Variants in PRH1 observed in about 807,000 individuals in gnomAD.
The protein encoded by PRH1 is proline rich protein HaeIII subfamily 1.
In PRH1, 7 loss-of-function variants were observed where a neutral mutation model predicts 7.9. The ratio of observed to expected loss-of-function variants is 0.89; its 90% CI spans 0.50 to 1.67. The LOEUF is 1.67. PRH1 is among the 40% of genes most tolerant of loss of function. The pLI, the probability that PRH1 is intolerant of heterozygous loss-of-function variation, is 0.00. For synonymous variants in PRH1, 45 were observed against 80.8 expected (o/e 0.56, Z 2.38); for missense variants, 109 against 223.6 (o/e 0.49, Z 3.27).
chr12:11,109,318 C>T (rs1194355156), intron 1 of PRH1, among the ~76,000 whole-genome samples: 2 of 152,208 alleles, frequency 1.3e-5, no homozygotes, highest in Non-Finnish European at 2.9e-5. Context: ...TTGAGCTCTG[C>T]TAAAGGACAG....
intron 1 of PRH1, among the ~76,000 whole-genome samples, chr12:11,053,354 C>A (rs952809831): frequency 7.2e-5 from 11 of 152,212 alleles, no homozygotes; most frequent in Non-Finnish European, 1.6e-4. Flanking sequence ...CTAAAATCCT[C>A]TCTTTAGAAA....
At chr12:10,937,416 T>G (rs1438835056) in intron 2 of PRH1, 2 of 152,056 alleles carry the variant, frequency 1.3e-5, no homozygotes, top group African/African-American at 4.8e-5. Flanking sequence ...TTGATAGTTT[T>G]TAACAGAGAT....
At position 10,916,293 on chromosome 12, in the gene PRH1, C is replaced by T. The variant is rs149857736; in HGVS notation, c.-58-32018G>A. Among the ~76,000 whole-genome samples the T allele has an allele frequency of 3.8e-3, 582 of 152,146 alleles. 1 individual carries two copies. Among genetic ancestry groups the T allele is most frequent in the African/African-American group, 0.013 (552 of 41,502 alleles). On this transcript the variant is annotated intron_variant, in intron 2 of 3. Transcript: ENST00000539853. ...ACACATGGGAATTACTCGGGAGCCA[C>T]AATTCAAGATGAGATTTGGATGGGG... is the stretch of plus-strand genomic sequence containing the variant.
chr12:10,930,619 T>C (rs1410267035), intron 2 of PRH1: 14 of 1,604,164 alleles, frequency 8.7e-6, no homozygotes, highest in Non-Finnish European at 1.1e-5. Flanking sequence ...GACAGGAGGG[T>C]TTTCCAGCAT....
At chr12:10,954,517 T>C (rs1937855983) in intron 2 of PRH1, among the ~76,000 whole-genome samples, 1 of 151,870 alleles carries the variant, frequency 6.6e-6, no homozygotes, top group Admixed American at 6.6e-5. Context: ...GCCCAGGCCA[T>C]AGTGCAGTGG....
chr12:11,159,448 T>C (rs1030509884), intron 1 of PRH1: 2 of 151,052 alleles, frequency 1.3e-5, no homozygotes, highest in African/African-American at 4.9e-5. Context: ...GTAAACAGTT[T>C]TACTAGTTTA....
chr12:10,987,934 T>G (rs1392393296), intron 1 of PRH1, among the ~76,000 whole-genome samples: 4 of 152,148 alleles, frequency 2.6e-5, no homozygotes, highest in Admixed American at 6.5e-5. Flanking sequence ...CTTTCTTTGA[T>G]GAACAGAAAA....
At chr12:10,938,116 T>C (rs1950319156) in intron 2 of PRH1, 1 of 600,266 alleles carries the variant, frequency 1.7e-6, no homozygotes, top group South Asian at 2.5e-5. Context: ...TCCTAATTTG[T>C]GATATGTTTG....
intron 1 of PRH1, among the ~76,000 whole-genome samples, chr12:11,146,860 T>C (rs1946876503): frequency 6.6e-6 from 1 of 152,122 alleles, no homozygotes; most frequent in African/African-American, 2.4e-5. Context: ...ATAAGACAAA[T>C]TACATGTGCA....
chr12:10,930,593 G>C, intron 2 of PRH1: 1 of 1,598,486 alleles, frequency 6.3e-7, no homozygotes, highest in South Asian at 1.1e-5. Context: ...GTGTGGTGAA[G>C]ACAGAGAGAT....
At chr12:11,109,866 T>C (rs1368324427) in intron 1 of PRH1, among the ~76,000 whole-genome samples, 1 of 151,678 alleles carries the variant, frequency 6.6e-6, no homozygotes, top group Non-Finnish European at 1.5e-5. Context: ...GGTAATAAAC[T>C]CAACTGAGAT....
At chr12:11,003,476 G>A (rs550986828) in intron 1 of PRH1, among the ~76,000 whole-genome samples, 13 of 151,914 alleles carry the variant, frequency 8.6e-5, no homozygotes, top group Non-Finnish European at 1.8e-4. Context: ...TTTCCCTTTT[G>A]TTTCCTCCCT....
chr12:10,966,075 A>G (rs1003595635), intron 2 of PRH1, among the ~76,000 whole-genome samples: 1 of 152,198 alleles, frequency 6.6e-6, no homozygotes, highest in East Asian at 1.9e-4. Context: ...AATTTCCAAA[A>G]TGGAAAATGC....
At chr12:11,019,992 G>A (rs547148309) in intron 1 of PRH1, among the ~76,000 whole-genome samples, 50 of 152,398 alleles carry the variant, frequency 3.3e-4, no homozygotes, top group African/African-American at 1.1e-3. Flanking sequence ...TAATTTTGAC[G>A]TTCCACCTTG....
intron 1 of PRH1, among the ~76,000 whole-genome samples, chr12:11,136,242 T>C (rs1946550302): frequency 6.6e-6 from 1 of 152,224 alleles, no homozygotes; most frequent in Non-Finnish European, 1.5e-5. Flanking sequence ...TTCCTACATG[T>C]TCTTGTTGTT....
chr12:11,062,009 T>G (rs1422729931), intron 1 of PRH1: 1 of 1,613,760 alleles, frequency 6.2e-7, no homozygotes, highest in Non-Finnish European at 8.5e-7. Flanking sequence ...GCAAGCCAGT[T>G]GCTGAAATGG....
intron 1 of PRH1, among the ~76,000 whole-genome samples, chr12:11,084,080 G>T (rs150566953): frequency 7.6e-6 from 1 of 131,714 alleles, no homozygotes. Context: ...AGCCAATCAG[G>T]ATCAGTTTAG....
chr12:10,910,210 T>A (rs192506405), intron 2 of PRH1, among the ~76,000 whole-genome samples: 2 of 152,326 alleles, frequency 1.3e-5, no homozygotes, highest in East Asian at 3.9e-4. Flanking sequence ...AAACTCTATA[T>A]ACAATATATT....
At chr12:10,907,531 G>A (rs79213638) in intron 2 of PRH1, among the ~76,000 whole-genome samples, 4,196 of 134,802 alleles carry the variant, frequency 0.031, 91 homozygotes, top group African/African-American at 0.06. Flanking sequence ...GTGTGTGTGT[G>A]TATATATGGC....
Sources: allele counts gnomAD v4.1 joint callset (sites outside exome capture counted in the v4.1 genomes callset), GRCh38; gene constraint gnomAD v4.1.1; transcripts MANE v1.5; gene names NCBI Gene and HGNC (gene_info 2026-07-23, HGNC 2026-07-21).